SOX5: variants seen among roughly 807,000 people sequenced by gnomAD.
SOX5 encodes the protein SRY-box transcription factor 5.
SOX5 carries 9 observed loss-of-function variants against 92.0 expected under a neutral mutation model. The ratio of observed to expected loss-of-function variants is 0.10; its 90% CI spans 0.06 to 0.17. SOX5 has a LOEUF of 0.17. Among genes scored for constraint, SOX5 ranks in the 10% least tolerant of loss-of-function variants. The pLI is 1.00. For missense variants in SOX5, 642 were observed against 944.5 expected (o/e 0.68, Z 4.20); for synonymous variants, 344 against 336.3 (o/e 1.02, Z -0.25).
intron 4 of SOX5, among the ~76,000 whole-genome samples, chr12:24,078,090 TGAC>T (rs1942876042): frequency 6.6e-6 from 1 of 152,050 alleles, no homozygotes. Context: ...ATAAAACACA[TGAC>T]AACAAAATAC....
At chr12:24,203,598 T>C (rs1389126842) in intron 4 of SOX5, among the ~76,000 whole-genome samples, 1 of 152,232 alleles carries the variant, frequency 6.6e-6, no homozygotes, top group Non-Finnish European at 1.5e-5. Context: ...CTAGCCCTCT[T>C]CCTTTCTTTG....
chr12:23,551,270 T>C (rs1341622132), intron 11 of SOX5, among the ~76,000 whole-genome samples: 3 of 151,872 alleles, frequency 2.0e-5, no homozygotes, highest in East Asian at 1.9e-4. Context: ...CCAAAGAAGA[T>C]GAAAGATTAC....
chr12:24,002,798 C>G (rs1437492698), intron 4 of SOX5, among the ~76,000 whole-genome samples: 1 of 151,948 alleles, frequency 6.6e-6, no homozygotes, highest in East Asian at 1.9e-4. Context: ...AAATAGAAGA[C>G]TAAGGATCAA....
At chr12:24,477,212 C>T (rs898483293) in intron 1 of SOX5, among the ~76,000 whole-genome samples, 1 of 151,486 alleles carries the variant, frequency 6.6e-6, no homozygotes, top group Non-Finnish European at 1.5e-5. Context: ...CAGCTCACTG[C>T]AACCTCCACC....
At chr12:24,349,099 C>T (rs776052182) in intron 2 of SOX5, among the ~76,000 whole-genome samples, 29 of 152,174 alleles carry the variant, frequency 1.9e-4, no homozygotes, top group Non-Finnish European at 3.4e-4. Flanking sequence ...TCTCAACTGA[C>T]GGATTTAGAT....
intron 4 of SOX5, among the ~76,000 whole-genome samples, chr12:24,049,950 T>G (rs1369197301): frequency 6.6e-6 from 1 of 151,942 alleles, no homozygotes; most frequent in Non-Finnish European, 1.5e-5. Flanking sequence ...AGGACTCTTG[T>G]TTTTCTACTA....
chr12:23,968,325 G>A (rs1947823537), intron 4 of SOX5, among the ~76,000 whole-genome samples: 1 of 152,164 alleles, frequency 6.6e-6, no homozygotes, highest in Admixed American at 6.5e-5. Context: ...AACTCTTCAA[G>A]TCTTATACTA....
intron 3 of SOX5, among the ~76,000 whole-genome samples, chr12:24,268,340 T>G (rs1004432259): frequency 1.3e-5 from 2 of 152,170 alleles, no homozygotes; most frequent in African/African-American, 4.8e-5. Flanking sequence ...TAGCATTAGA[T>G]TTAAGTATTC....
intron 1 of SOX5, among the ~76,000 whole-genome samples, chr12:24,403,067 G>A (rs772963265): frequency 6.6e-6 from 1 of 152,120 alleles, no homozygotes; most frequent in Non-Finnish European, 1.5e-5. Flanking sequence ...CCCATTCTCT[G>A]TTATTCAAGA....
chr12:23,728,758 A>G (rs1162108659), intron 6 of SOX5, among the ~76,000 whole-genome samples: 2 of 152,148 alleles, frequency 1.3e-5, no homozygotes, highest in Non-Finnish European at 2.9e-5. Context: ...TTTAAAACTT[A>G]GGGCCATTAA....
intron 6 of SOX5, among the ~76,000 whole-genome samples, chr12:23,733,546 G>A (rs1009661142): frequency 6.6e-6 from 1 of 152,076 alleles, no homozygotes; most frequent in East Asian, 1.9e-4. Context: ...TCTCACTGAA[G>A]CTATCTACGG....
intron 2 of SOX5, among the ~76,000 whole-genome samples, chr12:24,336,980 A>G (rs984441269): frequency 1.3e-5 from 2 of 152,214 alleles, no homozygotes; most frequent in African/African-American, 4.8e-5. Flanking sequence ...GTGGAACCAA[A>G]TTTGTGCAGT....
At chr12:24,112,318 T>G (rs974626660) in intron 4 of SOX5, among the ~76,000 whole-genome samples, 2 of 152,156 alleles carry the variant, frequency 1.3e-5, no homozygotes, top group African/African-American at 4.8e-5. Context: ...TGGTTATTCA[T>G]TTATGTACTA....
At chr12:23,860,306 A>T (rs906669607) in intron 2 of SOX5, among the ~76,000 whole-genome samples, 17 of 12,884 alleles carry the variant, frequency 1.3e-3, no homozygotes, top group East Asian at 0.012. Context: ...AATAAATTTA[A>T]AAAAAAAAAG....
chr12:23,986,245 T>C (rs1202997211), intron 4 of SOX5, among the ~76,000 whole-genome samples: 1 of 152,056 alleles, frequency 6.6e-6, no homozygotes, highest in Non-Finnish European at 1.5e-5. Flanking sequence ...CTGTAGCATA[T>C]TTTTCCCAGT....
chr12:23,969,765 G>T (rs1451667512), intron 4 of SOX5, among the ~76,000 whole-genome samples: 2 of 152,136 alleles, frequency 1.3e-5, no homozygotes, highest in East Asian at 3.8e-4. Context: ...CTTTACATCG[G>T]TAAAAAAGTC....
intron 4 of SOX5, among the ~76,000 whole-genome samples, chr12:24,168,822 G>C (rs1461982538): frequency 6.6e-6 from 1 of 152,202 alleles, no homozygotes; most frequent in Non-Finnish European, 1.5e-5. Context: ...AGGCGTGCAT[G>C]TGCCTGTAGG....
At chr12:24,453,113 A>T (rs1942549823) in intron 1 of SOX5, among the ~76,000 whole-genome samples, 1 of 152,306 alleles carries the variant, frequency 6.6e-6, no homozygotes, top group South Asian at 2.1e-4. Context: ...CTAATTCAGA[A>T]AATCTATTGA....
chr12:23,791,221 A>G (rs2095470253), intron 3 of SOX5, among the ~76,000 whole-genome samples: 1 of 152,240 alleles, frequency 6.6e-6, no homozygotes, highest in East Asian at 1.9e-4. Context: ...TGGAGTAATC[A>G]TAATTACATA....
Sources: gnomAD v4.1 joint callset for allele counts (sites outside exome capture counted in the v4.1 genomes callset) on GRCh38, gnomAD v4.1.1 for gene constraint, MANE v1.5 for transcripts, NCBI Gene and HGNC (gene_info 2026-07-23, HGNC 2026-07-21) for gene names.